EYA4: variants seen among roughly 807,000 people sequenced by gnomAD.
EYA4 encodes the protein protein phosphatase EYA4.
A neutral mutation model predicts 87.9 loss-of-function variants in EYA4; 31 were observed. The observed-to-expected ratio is 0.35, with a 90% CI of 0.27 to 0.48. The LOEUF (loss-of-function observed/expected upper bound fraction) is 0.48, where lower values mean the gene tolerates loss of function less well. Among genes scored for constraint, EYA4 ranks in the 20% least tolerant of loss-of-function variants. The pLI is 0.99. For synonymous variants in EYA4, 263 were observed against 270.6 expected, an observed-to-expected ratio of 0.97 and a Z score of 0.28; for missense variants, 678 against 761.4, an observed-to-expected ratio of 0.89 and a Z score of 1.29.
chr6:133,348,638 G>A (rs1375208980), intron 2 of EYA4, among the ~76,000 whole-genome samples: 2 of 151,918 alleles, frequency 1.3e-5, no homozygotes, highest in African/African-American at 4.8e-5. Flanking sequence ...TTTTTTATAG[G>A]GAAGATTCAC....
At chr6:133,376,318 T>A (rs1272938468) in intron 2 of EYA4, among the ~76,000 whole-genome samples, 1 of 151,836 alleles carries the variant, frequency 6.6e-6, no homozygotes, top group Non-Finnish European at 1.5e-5. Flanking sequence ...AATTATTTAT[T>A]ACATAAACTT....
chr6:133,482,764 C>T (rs1796326090), intron 12 of EYA4, among the ~76,000 whole-genome samples: 1 of 152,072 alleles, frequency 6.6e-6, no homozygotes, highest in Admixed American at 6.6e-5. Context: ...GAATGTATCT[C>T]TTTTTGGTGT....
At chr6:133,429,051 C>T (rs935732589) in intron 3 of EYA4, among the ~76,000 whole-genome samples, 3 of 149,858 alleles carry the variant, frequency 2.0e-5, no homozygotes, top group Admixed American at 6.7e-5. Context: ...CACAGCCTCC[C>T]GAGTAGCTGG....
intron 2 of EYA4, 127 bp downstream of exon 2, chr6:133,274,940 C>T (rs1777041920): frequency 1.3e-6 from 1 of 768,132 alleles, no homozygotes; most frequent in African/African-American, 1.7e-5. Flanking sequence ...TTTTGAATTT[C>T]CTTTCAAAGA....
chr6:133,403,707 C>T (rs985765485), intron 3 of EYA4, among the ~76,000 whole-genome samples: 46 of 152,154 alleles, frequency 3.0e-4, no homozygotes, highest in Admixed American at 1.3e-4. Flanking sequence ...CTTCTATTTG[C>T]ACATTCATCA....
At chr6:133,484,429 T>C (rs3777868) in intron 13 of EYA4, among the ~76,000 whole-genome samples, 4,494 of 152,300 alleles carry the variant, frequency 0.03, 259 homozygotes, top group East Asian at 0.18. Context: ...ACACTTTGGG[T>C]GAATCTGCAT....
chr6:133,478,613 A>C (rs1163300523), intron 11 of EYA4, among the ~76,000 whole-genome samples: 1 of 152,172 alleles, frequency 6.6e-6, no homozygotes, highest in Non-Finnish European at 1.5e-5. Context: ...GGGGTGAATA[A>C]ATGTAGAGTT....
chr6:133,424,064 C>G lies in EYA4; in HGVS notation c.84-22566C>G, dbSNP rs532030128. ...AGAGAGGAGGCTCTGGAGAGAGTAG[C>G]CTGTCTCTGCAGCTGGTTGTCCAGA... On this transcript the variant is annotated intron_variant, in intron 3 of 19. Transcript: ENST00000355286. Among the ~76,000 whole-genome samples, 3 of 152,286 alleles carry G rather than the reference C, an allele frequency of 2.0e-5. No individual in the cohort carries two copies. The East Asian group carries it at 5.8e-4, about 29-fold the overall frequency.
At chr6:133,399,642 A>G (rs1180779560) in intron 3 of EYA4, among the ~76,000 whole-genome samples, 2 of 152,226 alleles carry the variant, frequency 1.3e-5, no homozygotes, top group African/African-American at 4.8e-5. Context: ...GCAGGAGTCT[A>G]TGCTGTGATA....
chr6:133,328,947 G>C (rs1781712511), intron 2 of EYA4, among the ~76,000 whole-genome samples: 1 of 152,002 alleles, frequency 6.6e-6, no homozygotes, highest in East Asian at 1.9e-4. Flanking sequence ...CAAATAGAGG[G>C]CCACCTGAGT....
At chr6:133,526,919 A>T (rs577675430) in intron 19 of EYA4, among the ~76,000 whole-genome samples, 1 of 152,224 alleles carries the variant, frequency 6.6e-6, no homozygotes, top group South Asian at 2.1e-4. Flanking sequence ...TTAGGTAAGG[A>T]CTAATATAAT....
chr6:133,409,523 T>C (rs1290036419), intron 3 of EYA4, among the ~76,000 whole-genome samples: 1 of 152,188 alleles, frequency 6.6e-6, no homozygotes, highest in African/African-American at 2.4e-5. Flanking sequence ...TTCTGTTCCC[T>C]TCCTCAGGGT....
intron 3 of EYA4, among the ~76,000 whole-genome samples, chr6:133,389,187 C>T (rs1415187441): frequency 6.6e-6 from 1 of 152,148 alleles, no homozygotes; most frequent in Admixed American, 6.5e-5. Flanking sequence ...AGACTTAGAG[C>T]TTGATTTCAT....
chr6:133,357,212 A>G (rs1466204734), intron 2 of EYA4, among the ~76,000 whole-genome samples: 1 of 138,494 alleles, frequency 7.2e-6, no homozygotes, highest in Non-Finnish European at 1.5e-5. Flanking sequence ...CGGAGCTTGC[A>G]GTGAGCCGAG....
At position 133,530,483 on chromosome 6, in the gene EYA4, A is replaced by G. The variant is rs1800946749; in HGVS notation, c.*1678A>G. 3.0e-6 allele frequency: 3 copies of G among 985,800 alleles called. No individual in the cohort carries two copies. Among genetic ancestry groups the G allele is most frequent in the Non-Finnish European group, 3.6e-6 (3 of 829,918 alleles). 61.1% of individuals were successfully genotyped at this position (985,800 alleles called of 1,614,324 possible). A position where few individuals can be genotyped will look rare whatever the true frequency, so the allele number is the denominator to read the frequency against. ...CTGCACCTGCAGTTCTGTGTTTAAA[A>G]TGTCATAATGTGGATCCTGGAGTCA... On this transcript the variant is annotated 3_prime_UTR_variant, in exon 20 of 20. Coordinates refer to ENST00000355286, the MANE Select transcript of EYA4 (RefSeq NM_004100.5).
intron 13 of EYA4, among the ~76,000 whole-genome samples, chr6:133,498,709 T>G (rs1317289675): frequency 2.0e-5 from 3 of 152,174 alleles, no homozygotes; most frequent in Non-Finnish European, 4.4e-5. Context: ...AGTTTGTGTG[T>G]GCATGTGTAT....
chr6:133,335,744 G>A (rs755384857), intron 2 of EYA4, among the ~76,000 whole-genome samples: 52 of 152,242 alleles, frequency 3.4e-4, no homozygotes, highest in Non-Finnish European at 3.8e-4. Context: ...ATGGAACCCC[G>A]AAAACAAAGT....
At chr6:133,329,515 G>A (rs970324638) in intron 2 of EYA4, among the ~76,000 whole-genome samples, 1 of 151,942 alleles carries the variant, frequency 6.6e-6, no homozygotes, top group Admixed American at 6.6e-5. Flanking sequence ...TGTTTACTAC[G>A]AGTGAACAAG....
chr6:133,318,632 T>TTTA (rs77352161), intron 2 of EYA4, among the ~76,000 whole-genome samples: 48,325 of 148,692 alleles, frequency 0.33, 8,061 homozygotes, highest in Middle Eastern at 0.45. Flanking sequence ...TTTTTTTTTT[T>TTTA]TAATCATCCA....
Sources: allele counts gnomAD v4.1 joint callset (sites outside exome capture counted in the v4.1 genomes callset), GRCh38; gene constraint gnomAD v4.1.1; transcripts MANE v1.5; gene names NCBI Gene and HGNC (gene_info 2026-07-23, HGNC 2026-07-21).